ZNF662: variants seen among roughly 807,000 people sequenced by gnomAD.
ZNF662 encodes zinc finger protein 662.
ZNF662 carries 14 observed loss-of-function variants against 12.4 expected under a neutral mutation model. That is an observed-to-expected ratio of 1.13 (90% CI 0.75 to 1.77). The LOEUF is 1.77. ZNF662 is among the 40% of genes most tolerant of loss of function. The pLI is 0.00. For missense variants in ZNF662, 550 were observed against 515.6 expected (o/e 1.07, Z -0.65); for synonymous variants, 184 against 176.4 (o/e 1.04, Z -0.34).
rs2088889076 is a variant in ZNF662, at chr3:42,915,528, T to C, written c.*174T>C. On this transcript the variant is annotated 3_prime_UTR_variant, in exon 5 of 5. Transcript: ENST00000440367. ...CAAGACTGGTCCCTCTGTTCTATGA[T>C]GTTTTAACAAGGCATCATTTAGTTG... 3.3e-5 allele frequency: 20 copies of C among 604,202 alleles called. No homozygotes were observed. The highest frequency in any genetic ancestry group is 5.5e-5 in the Non-Finnish European group (20 of 364,066). The allele number at this position is 604,202 out of a possible 1,614,324, so 37.4% of individuals were successfully genotyped here.
At position 42,914,946 on chromosome 3, in the gene ZNF662, T is replaced by C. The variant is rs987632841; in HGVS notation, c.873T>C (p.Leu291=). Residue 291 remains leucine (L), a synonymous_variant, in exon 5 of 5, where the codon CTT becomes CTC. Transcript: ENST00000440367. Reference sequence around the variant, plus strand: ...AGGGCTTTAGTCAGAACACAAGCCTTACGCAACATCAACGGATCCACACTG... The same window carrying C: ...AGGGCTTTAGTCAGAACACAAGCCTCACGCAACATCAACGGATCCACACTG... ...CGKGFSQNTS[L]TQHQRIHTGE... The C allele has an allele frequency of 6.2e-7, 1 of 1,614,118 alleles. No individual in the cohort carries two copies. The highest frequency in any genetic ancestry group is 1.7e-5 in the Admixed American group (1 of 60,018).
chr3:42,908,305 G>A, intron 2 of ZNF662, 157 bp downstream of exon 2: 1 of 1,419,140 alleles, frequency 7.0e-7, no homozygotes, highest in Non-Finnish European at 9.2e-7. Flanking sequence ...TTGGAAAGTA[G>A]GAAGTCCTGG....
rs765591929 is a variant in ZNF662 at position 42,915,362 on chromosome 3, A to G, written c.*8A>G. 6.5e-7 allele frequency: 1 copy of G among 1,534,846 alleles called. No homozygotes were observed. The highest frequency in any genetic ancestry group is 2.2e-5 in the Admixed American group (1 of 46,214). ...CACCTTCTTGAACATTAGAGAGTGC[A>G]TAATGGTGATACTTGTTTATAATTC... On this transcript the variant is annotated 3_prime_UTR_variant, in exon 5 of 5. Coordinates refer to ENST00000440367, the MANE Select transcript of ZNF662 (RefSeq NM_207404.4).
At chr3:42,913,779 G>A (rs115452963) in intron 4 of ZNF662, among the ~76,000 whole-genome samples, 2,003 of 152,214 alleles carry the variant, frequency 0.013, 54 homozygotes, top group African/African-American at 0.046. Flanking sequence ...AGTCTTTTCC[G>A]AGTTCTGCCT....
intron 4 of ZNF662, 69 bp downstream of exon 4, chr3:42,913,371 A>T: frequency 9.7e-6 from 13 of 1,335,228 alleles, no homozygotes; most frequent in Non-Finnish European, 1.4e-5. Context: ...TATAAGATGT[A>T]AAAGTCCATT....
At chr3:42,912,208 TATATAATCATATAA>T (rs1464489973) in intron 3 of ZNF662, 1 of 136,392 alleles carries the variant, frequency 7.3e-6, no homozygotes, top group African/African-American at 2.7e-5. Context: ...ATATATAAAA[TATATAATCATATAA>T]ATAAAATATA....
rs1238504612 is a variant in ZNF662, at chr3:42,908,828, C to T, written c.70C>T (p.Gln24Ter). The T allele has an allele frequency of 3.7e-6, 6 of 1,614,024 alleles. No homozygotes were observed. The highest frequency in any genetic ancestry group is 4.5e-5 in the East Asian group (2 of 44,880). ...FPFPKPALIS[Q>*]LERGETPWCS... is the part of the protein sequence containing the mutation. The stretch of plus-strand genomic sequence containing the variant: ...ATTTCCCAAACCGGCTCTGATTTCC[C>T]AGCTGGAGCGAGGGGAAACACCCTG... The change falls in exon 3 of 5, where the codon CAG becomes TAG. Residue 24 changes from glutamine to a stop codon, truncating the protein, a stop_gained. Transcript: ENST00000440367. LOFTEE classifies it high-confidence loss of function.
rs557805982 is a variant in ZNF662 at position 42,906,420 on chromosome 3, C to A, written c.-94+252C>A. 1.4e-6 allele frequency: 2 copies of A among 1,481,086 alleles called. No homozygotes were observed. Among genetic ancestry groups the A allele is most frequent in the African/African-American group, 2.9e-5 (2 of 68,442 alleles). The allele number at this position is 1,481,086 out of a possible 1,614,324, so 91.7% of individuals were successfully genotyped here. On this transcript the variant is annotated intron_variant, in intron 1 of 4. Transcript: ENST00000440367. This position sits in a 1 kb window ranked among gnomAD's most constrained non-coding sequence, Gnocchi z 4.4. ...TCCTCGAGCTGCTCCCGGGACAGCCCGCGCTGCCCCGGGCGCGCCGGGTGA... is the reference window on the plus strand; with the variant it reads ...TCCTCGAGCTGCTCCCGGGACAGCCAGCGCTGCCCCGGGCGCGCCGGGTGA...
In ZNF662 at chr3:42,914,336, T is replaced by G. The variant is rs759524386; in HGVS notation, c.263T>G (p.Leu88Trp). 1 of 1,599,902 alleles carries G rather than the reference T, an allele frequency of 6.3e-7. No homozygotes were observed. Among genetic ancestry groups the G allele is most frequent in the South Asian group, 1.1e-5 (1 of 88,284 alleles). The change falls in exon 5 of 5, where the codon TTG becomes TGG. Residue 88 changes from leucine to tryptophan, a missense_variant. Transcript: ENST00000440367. ...CAATTTCTTTTTTCAGAGGGTGTGT[T>G]GAAGAGGAAGAAAGAAGATTTTATT... ...GPSLICPEGV[L>W]KRKKEDFILK...
At chr3:42,912,211 A>G (rs926292691) in intron 3 of ZNF662, 12 of 138,264 alleles carry the variant, frequency 8.7e-5, no homozygotes, top group African/African-American at 2.7e-4. Context: ...TATAAAATAT[A>G]TAATCATATA....
intron 4 of ZNF662, 115 bp from the exon 5 acceptor site, chr3:42,914,212 C>A: frequency 2.2e-6 from 2 of 908,670 alleles, no homozygotes; most frequent in Non-Finnish European, 3.3e-6. Flanking sequence ...TGGGACAGGG[C>A]CACTGAGACA....
chr3:42,908,712 G>T, intron 2 of ZNF662, 81 bp from the exon 3 acceptor site: 1 of 1,513,170 alleles, frequency 6.6e-7, no homozygotes. Flanking sequence ...TCCTACCCCT[G>T]AAGACACTGG....
intron 3 of ZNF662, among the ~76,000 whole-genome samples, chr3:42,912,693 A>ATATATATATATAAATATATATATATATT (rs377231571): frequency 5.7e-5 from 3 of 53,094 alleles, no homozygotes; most frequent in Non-Finnish European, 9.4e-5. Flanking sequence ...ATATATATAT[A>ATATATATATATAAATATATATATATATT]TTTTATATAT....
chr3:42,906,553 C>A lies in ZNF662; in HGVS notation c.-94+385C>A. The A allele has an allele frequency of 1.1e-6, 1 of 919,092 alleles. No homozygotes were observed. The highest frequency in any genetic ancestry group is 1.5e-6 in the Non-Finnish European group (1 of 654,024). The allele number at this position is 919,092 out of a possible 1,614,324, so 56.9% of individuals were successfully genotyped here. ...TGGGGGTACAACCCAGAGTGAGGGG[C>A]CTCGAGGGACAGGCAGCACAGCGGA... On this transcript the variant is annotated intron_variant, in intron 1 of 4. Transcript: ENST00000440367. The surrounding 1 kb of genome is among the most constrained non-coding windows in gnomAD (Gnocchi z 4.4).
rs776475212 is a variant in ZNF662, at chr3:42,913,925, A to C, written c.254-402A>C. Among the ~76,000 whole-genome samples the C allele has an allele frequency of 1.6e-4, 24 of 152,038 alleles. 1 individual carries two copies. The highest frequency in any genetic ancestry group is 2.2e-4 in the Non-Finnish European group (15 of 68,014). On this transcript the variant is annotated intron_variant, in intron 4 of 4. Coordinates refer to ENST00000440367, the MANE Select transcript of ZNF662 (RefSeq NM_207404.4). ...TTGCTACTGTCTGCTGCATGTGACA[A>C]GCCCAGGTTCTCAGGTATACCACTA...
At chr3:42,909,648 A>AG (rs1336736780) in intron 3 of ZNF662, among the ~76,000 whole-genome samples, 1 of 150,314 alleles carries the variant, frequency 6.7e-6, no homozygotes, top group Non-Finnish European at 1.5e-5. Context: ...GGCCGGGCAG[A>AG]GGTGCCCCCC....
intron 3 of ZNF662, among the ~76,000 whole-genome samples, chr3:42,910,549 C>T (rs2088771926): frequency 1.3e-5 from 2 of 152,124 alleles, no homozygotes; most frequent in South Asian, 4.1e-4. Context: ...ACTTCCTGGC[C>T]TGTTTACAGT....
At position 42,908,096 on chromosome 3, in the gene ZNF662, A is replaced by G. The variant is rs2088708697; in HGVS notation, c.-19A>G. On this transcript the variant is annotated 5_prime_UTR_variant, in exon 2 of 5. Transcript: ENST00000440367. ...GGATCGGCCTGGGCCCTGCTCAGAGAGCCCTGTACAGGGATGTGATGCTGG... is the reference window on the plus strand; with the variant it reads ...GGATCGGCCTGGGCCCTGCTCAGAGGGCCCTGTACAGGGATGTGATGCTGG... 11 of 1,614,068 alleles carry G rather than the reference A, an allele frequency of 6.8e-6. No homozygotes were observed. Among genetic ancestry groups the G allele is most frequent in the Non-Finnish European group, 8.5e-6 (10 of 1,180,024 alleles).
Position 42,915,878 on chromosome 3 carries a change from T to C in ZNF662, c.*524T>C, listed in dbSNP as rs1166842661. On this transcript the variant is annotated 3_prime_UTR_variant, in exon 5 of 5. Coordinates refer to ENST00000440367, the MANE Select transcript of ZNF662 (RefSeq NM_207404.4). Reference sequence around the variant, plus strand: ...CAACTAAGAAGATCTCTCTTCCTCTTCTACTTGTAATCAGTACCACCCAAG... The same window carrying C: ...CAACTAAGAAGATCTCTCTTCCTCTCCTACTTGTAATCAGTACCACCCAAG... 1.3e-5 allele frequency: 2 copies of C among 154,078 alleles called. No individual in the cohort carries two copies. The highest frequency in any genetic ancestry group is 1.4e-5 in the Non-Finnish European group (1 of 69,292). 9.5% of individuals were successfully genotyped at this position (154,078 alleles called of 1,614,324 possible). A position where few individuals can be genotyped will look rare whatever the true frequency, so the allele number is the denominator to read the frequency against.
Sources: allele counts gnomAD v4.1 joint callset (sites outside exome capture counted in the v4.1 genomes callset), GRCh38; gene constraint gnomAD v4.1.1; non-coding constraint Gnocchi (gnomAD v3.1); transcripts MANE v1.5; gene names NCBI Gene and HGNC (gene_info 2026-07-23, HGNC 2026-07-21).